CRIM1: variants seen among roughly 807,000 people sequenced by gnomAD.
The protein encoded by CRIM1 is cysteine rich transmembrane BMP regulator 1.
A neutral mutation model predicts 116.4 loss-of-function variants in CRIM1; 32 were observed. The observed-to-expected ratio is 0.27, with a 90% CI of 0.21 to 0.37. CRIM1 has a LOEUF of 0.37. Ranked by LOEUF, CRIM1 falls within the 10% of genes least tolerant of loss-of-function variation. The probability of loss-of-function intolerance (pLI) is 1.00; values close to 1 mark genes in which losing one functional copy is unlikely to be tolerated. For missense variants in CRIM1, 1,331 were observed against 1,354.8 expected, an observed-to-expected ratio of 0.98 and a Z score of 0.28; for synonymous variants, 590 against 509.2, an observed-to-expected ratio of 1.16 and a Z score of -2.13.
chr2:36,550,734 A>ATAGAT lies in CRIM1; in HGVS notation c.*2035_*2039dup, dbSNP rs1299739993. 1.3e-5 allele frequency: 2 copies of ATAGAT among 152,666 alleles called. No homozygotes were observed. The highest frequency in any genetic ancestry group is 2.1e-4 in the South Asian group (1 of 4,822). 9.5% of individuals were successfully genotyped at this position (152,666 alleles called of 1,614,324 possible). ...AATTTGTTAATGATACATTACAAAA[A>ATAGAT]TAGATTGACATCAGCCTGATTAGTA... On this transcript the variant is annotated 3_prime_UTR_variant, in exon 17 of 17. Transcript: ENST00000280527.
In CRIM1 at chr2:36,507,583, A is replaced by G. The variant is rs72866868; in HGVS notation, c.1502-2400A>G. 2.2e-3 allele frequency among the ~76,000 whole-genome samples: 337 copies of G among 152,312 alleles called. 2 individuals carry two copies. Among genetic ancestry groups the G allele is most frequent in the African/African-American group, 7.6e-3 (318 of 41,576 alleles). ...GGGCCAGAGCATAACATGCAGGAGA[A>G]TGGTCCCAATTCAGGGCAGCACTAG... On this transcript the variant is annotated intron_variant, in intron 8 of 16. Transcript: ENST00000280527.
At chr2:36,475,439 A>AC (rs1678895914) in intron 5 of CRIM1, among the ~76,000 whole-genome samples, 1 of 152,170 alleles carries the variant, frequency 6.6e-6, no homozygotes, top group African/African-American at 2.4e-5. Flanking sequence ...GTACTCTGCA[A>AC]CCTTGTTGAA....
rs1558426315 is a variant in CRIM1 at position 36,546,976 on chromosome 2, TC to T, written c.2747-7del. 2.0e-6 allele frequency: 3 copies of T among 1,531,196 alleles called. No individual in the cohort carries two copies. Among genetic ancestry groups the T allele is most frequent in the South Asian group, 1.2e-5 (1 of 83,346 alleles). The allele number at this position is 1,531,196 out of a possible 1,614,324, so 94.9% of individuals were successfully genotyped here. On this transcript the variant is annotated splice_polypyrimidine_tract_variant and splice_region_variant and intron_variant, in intron 15 of 16. Coordinates refer to ENST00000280527, the MANE Select transcript of CRIM1 (RefSeq NM_016441.3). ...GGTAATAAATGCTTATAATTTTTTT[TC>T]TCCTAGATATGGGTCACCTCCAGGT... is the stretch of plus-strand genomic sequence containing the variant.
At chr2:36,480,572 A>T (rs1009485667) in intron 7 of CRIM1, among the ~76,000 whole-genome samples, 1 of 152,244 alleles carries the variant, frequency 6.6e-6, no homozygotes, top group Non-Finnish European at 1.5e-5. Flanking sequence ...AAGTCAGTTA[A>T]GTAGACTAAG....
At chr2:36,456,939 T>C (rs1400213910) in intron 4 of CRIM1, among the ~76,000 whole-genome samples, 1 of 152,086 alleles carries the variant, frequency 6.6e-6, no homozygotes, top group East Asian at 1.9e-4. Flanking sequence ...AAGATAATTG[T>C]TAAATTCTTA....
chr2:36,405,351 A>G (rs1233113066), intron 2 of CRIM1, among the ~76,000 whole-genome samples: 1 of 152,158 alleles, frequency 6.6e-6, no homozygotes, highest in African/African-American at 2.4e-5. Flanking sequence ...TGTAGCAAGA[A>G]ACCTGCTGCC....
At chr2:36,441,942 A>G (rs1286792310) in intron 3 of CRIM1, among the ~76,000 whole-genome samples, 2 of 152,236 alleles carry the variant, frequency 1.3e-5, no homozygotes, top group Non-Finnish European at 2.9e-5. Context: ...TCAAAACGCC[A>G]GAAGTTTCAT....
intron 1 of CRIM1, among the ~76,000 whole-genome samples, chr2:36,389,998 G>A (rs765781873): frequency 1.1e-4 from 16 of 151,938 alleles, no homozygotes; most frequent in Non-Finnish European, 2.1e-4. Flanking sequence ...CCTTCTCAGT[G>A]CCCACTTTCC....
intron 1 of CRIM1, among the ~76,000 whole-genome samples, chr2:36,371,811 C>T (rs920463525): frequency 1.3e-5 from 2 of 152,114 alleles, no homozygotes; most frequent in African/African-American, 4.8e-5. Flanking sequence ...CTCTTGACTG[C>T]CAGGGATCTG....
intron 2 of CRIM1, among the ~76,000 whole-genome samples, chr2:36,400,198 A>AGG (rs971468727): frequency 6.6e-6 from 1 of 152,202 alleles, no homozygotes; most frequent in Non-Finnish European, 1.5e-5. Flanking sequence ...TGGAGAGTAG[A>AGG]GGGGAGGTTC....
chr2:36,546,035 ATTTAAAATCT>A lies in CRIM1; in HGVS notation c.2747-948_2747-939del, dbSNP rs1255345807. Among the ~76,000 whole-genome samples the A allele has an allele frequency of 2.0e-5, 3 of 152,256 alleles. No individual in the cohort carries two copies. The East Asian group carries it at 5.8e-4, about 29-fold the overall frequency. On this transcript the variant is annotated intron_variant, in intron 15 of 16. Transcript: ENST00000280527. The stretch of plus-strand genomic sequence containing the variant: ...TCCAGAACACACACAGAAGCATATC[ATTTAAAATCT>A]GAGTTTTAAACCACAGTGTTACATA...
At chr2:36,464,487 G>C in intron 4 of CRIM1, 47 bp from the exon 5 acceptor site, 1 of 1,610,950 alleles carries the variant, frequency 6.2e-7, no homozygotes, top group Non-Finnish European at 8.5e-7. Flanking sequence ...CGACTTCTAT[G>C]TTGTTGTTTA....
chr2:36,425,179 G>A (rs1674358991), intron 2 of CRIM1, among the ~76,000 whole-genome samples: 1 of 152,220 alleles, frequency 6.6e-6, no homozygotes, highest in Admixed American at 6.5e-5. Context: ...TGTGGGTCAA[G>A]TAGCTGCTCA....
intron 2 of CRIM1, among the ~76,000 whole-genome samples, chr2:36,415,766 T>C (rs576280131): frequency 2.1e-4 from 32 of 152,352 alleles, no homozygotes; most frequent in African/African-American, 7.2e-4. Context: ...TGAGGACTTA[T>C]GTGGTAGGAC....
intron 1 of CRIM1, among the ~76,000 whole-genome samples, chr2:36,382,091 A>G (rs1391037709): frequency 6.6e-6 from 1 of 152,172 alleles, no homozygotes; most frequent in African/African-American, 2.4e-5. Flanking sequence ...CTCCGGGATT[A>G]GGGAACCTTG....
intron 13 of CRIM1, among the ~76,000 whole-genome samples, chr2:36,525,951 A>G (rs1316848412): frequency 6.6e-6 from 1 of 152,248 alleles, no homozygotes; most frequent in Non-Finnish European, 1.5e-5. Context: ...GTCACTAATG[A>G]GCAATGATAA....
intron 8 of CRIM1, among the ~76,000 whole-genome samples, chr2:36,501,633 G>A (rs952772693): frequency 5.3e-5 from 8 of 152,114 alleles, no homozygotes; most frequent in South Asian, 2.1e-4. Flanking sequence ...AAGGTGGGGC[G>A]ATCTCTTGAG....
chr2:36,413,054 C>T (rs773209767), intron 2 of CRIM1, among the ~76,000 whole-genome samples: 30 of 152,144 alleles, frequency 2.0e-4, no homozygotes, highest in Non-Finnish European at 3.5e-4. Flanking sequence ...TTACGAATGA[C>T]TTTATTCACT....
chr2:36,515,766 C>T (rs975224914), intron 11 of CRIM1, among the ~76,000 whole-genome samples: 2 of 152,218 alleles, frequency 1.3e-5, no homozygotes, highest in African/African-American at 2.4e-5. Flanking sequence ...CCTGCAAACA[C>T]GCACGTCAGA....
Sources: allele counts gnomAD v4.1 joint callset (sites outside exome capture counted in the v4.1 genomes callset), GRCh38; gene constraint gnomAD v4.1.1; transcripts MANE v1.5; gene names NCBI Gene and HGNC (gene_info 2026-07-23, HGNC 2026-07-21).